The following USP1 variants were observed in gnomAD, a reference collection of about 807,000 sequenced individuals.
USP1 encodes the protein ubiquitin carboxyl-terminal hydrolase 1.
A neutral mutation model predicts 72.2 loss-of-function variants in USP1; 18 were observed. The ratio of observed to expected loss-of-function variants is 0.25; its 90% confidence interval spans 0.17 to 0.37. USP1 has a LOEUF of 0.37. Among genes scored for constraint, USP1 ranks in the 10% least tolerant of loss-of-function variants. USP1 has a pLI of 1.00. For missense variants in USP1, 759 were observed against 884.9 expected (o/e 0.86, Z 1.81); for synonymous variants, 354 against 303.7 (o/e 1.17, Z -1.72).
Position 62,448,681 on chromosome 1 carries a change from TAAG to T in USP1, c.1622+18_1622+20del. 2 of 1,609,350 alleles carry T rather than the reference TAAG, an allele frequency of 1.2e-6. No homozygotes were observed. The highest frequency in any genetic ancestry group is 2.7e-5 in the African/African-American group (2 of 74,846). On this transcript the variant is annotated intron_variant, in intron 8 of 8. Coordinates refer to ENST00000339950, the MANE Select transcript of USP1 (RefSeq NM_003368.5). ...AGTGGTTTGGAGTAAGTATTGTAAATAAGAACTATATGAAGAAAATGAGCTGCT... is the reference window on the plus strand; with the variant it reads ...AGTGGTTTGGAGTAAGTATTGTAAATAACTATATGAAGAAAATGAGCTGCT...
chr1:62,446,798 CTTTTTTTTATTTTTTA>C (rs1571137735), intron 6 of USP1, among the ~76,000 whole-genome samples: 1 of 151,798 alleles, frequency 6.6e-6, no homozygotes, highest in Admixed American at 6.6e-5. Context: ...ATACAACTGA[CTTTTTTTTATTTTTTA>C]TTTTTTTTAT....
rs754451154 is a variant in USP1, at chr1:62,450,570, T to C, written c.1947T>C (p.Gly649=). The C allele has an allele frequency of 4.3e-6, 7 of 1,613,932 alleles. No individual in the cohort carries two copies. Among genetic ancestry groups the C allele is most frequent in the Middle Eastern group, 1.7e-4 (1 of 6,060 alleles). ...YNDEEVSIRV[G]GNTQPSKVLN... ...ATGAAGAAGTGTCAATTAGAGTTGGTGGAAATACACAGCCAAGTAAAGTTT... is the reference window on the plus strand; with the variant it reads ...ATGAAGAAGTGTCAATTAGAGTTGGCGGAAATACACAGCCAAGTAAAGTTT... The change falls in exon 9 of 9, where the codon GGT becomes GGC. Residue 649 remains glycine, a synonymous_variant. Coordinates refer to ENST00000339950, the MANE Select transcript of USP1 (RefSeq NM_003368.5).
At chr1:62,436,803 G>C, upstream of USP1, 1 of 258,150 alleles carries the variant, frequency 3.9e-6, no homozygotes, top group Non-Finnish European at 7.3e-6. Flanking sequence ...GCGAGGACCC[G>C]CACGAGCTGC....
At chr1:62,440,720 T>C (rs1330242960) in intron 2 of USP1, among the ~76,000 whole-genome samples, 4 of 152,178 alleles carry the variant, frequency 2.6e-5, no homozygotes, top group African/African-American at 9.7e-5. Context: ...CTTTTGTTTA[T>C]CAGCATTCAT....
intron 6 of USP1, 107 bp downstream of exon 6, chr1:62,445,536 T>G: frequency 9.2e-7 from 1 of 1,082,890 alleles, no homozygotes. Flanking sequence ...TAAAATTGTT[T>G]CAAGAGAAGG....
chr1:62,439,815 C>G lies in USP1; in HGVS notation c.-53C>G, dbSNP rs896985508. The G allele has an allele frequency of 1.5e-6, 2 of 1,318,016 alleles. No individual in the cohort carries two copies. The highest frequency in any genetic ancestry group is 3.0e-5 in the African/African-American group (2 of 66,416). The allele number at this position is 1,318,016 out of a possible 1,614,324, so 81.6% of individuals were successfully genotyped here. On this transcript the variant is annotated 5_prime_UTR_variant, in exon 2 of 9. Transcript: ENST00000339950. ...GATTAACAGATATAATTGGTGATTA[C>G]AACTTTCCTCTATAAATTAACTCTT...
chr1:62,440,006 G>T lies in USP1; in HGVS notation c.139G>T (p.Glu47Ter). The stretch of plus-strand genomic sequence containing the variant: ...TTTCACAGATTCTCAAGAAAATGAA[G>T]AAAAAGCTTCTGAATATAGAGCATC... Reference protein sequence around the residue: ...LDFTDSQENEEKASEYRASEI... With the variant: ...LDFTDSQENE The change falls in exon 2 of 9, where the codon GAA becomes TAA. Residue 47 changes from glutamate to a stop codon, truncating the protein, a stop_gained. Coordinates refer to ENST00000339950, the MANE Select transcript of USP1 (RefSeq NM_003368.5). LOFTEE classifies it high-confidence loss of function. 6.5e-7 allele frequency: 1 copy of T among 1,545,802 alleles called. No individual in the cohort carries two copies. Among genetic ancestry groups the T allele is most frequent in the Non-Finnish European group, 8.7e-7 (1 of 1,154,614 alleles).
intron 4 of USP1, 124 bp downstream of exon 4, chr1:62,442,423 T>G: frequency 4.4e-5 from 28 of 633,302 alleles, no homozygotes; most frequent in Non-Finnish European, 5.5e-5. Context: ...GTTAGCGAGC[T>G]ATTGTCAGGC....
chr1:62,447,390 G>A lies in USP1; in HGVS notation c.1299G>A (p.Gln433=). The change falls in exon 7 of 9, where the codon CAG becomes CAA. Residue 433 remains glutamine (Q), a synonymous_variant. Transcript: ENST00000339950. The stretch of plus-strand genomic sequence containing the variant: ...TAGTGGAGAAATTATTTCAAGGTCA[G>A]CTGGTATTAAGGACGCGTTGCTTGG... ...FELVEKLFQG[Q]LVLRTRCLEC... The A allele has an allele frequency of 6.2e-7, 1 of 1,613,738 alleles. No individual in the cohort carries two copies. Among genetic ancestry groups the A allele is most frequent in the Non-Finnish European group, 8.5e-7 (1 of 1,179,930 alleles).
chr1:62,442,793 A>C (rs1645142756), intron 4 of USP1, among the ~76,000 whole-genome samples: 1 of 152,168 alleles, frequency 6.6e-6, no homozygotes, highest in Non-Finnish European at 1.5e-5. Flanking sequence ...GCTTGAGCGC[A>C]AGAGTTTGAG....
In USP1 at chr1:62,445,679, T is replaced by TA. The variant is rs577039531; in HGVS notation, c.1249+251dup. 5.1e-3 allele frequency among the ~76,000 whole-genome samples: 775 copies of TA among 152,230 alleles called. 7 individuals carry two copies. The highest frequency in any genetic ancestry group is 0.018 in the African/African-American group (738 of 41,534). The stretch of plus-strand genomic sequence containing the variant: ...ATTAAAGTAATTTTAATTTATAGCT[T>TA]ATAAAGTAGGGAAGTTCGGCCAGGT... On this transcript the variant is annotated intron_variant, in intron 6 of 8. Transcript: ENST00000339950.
At chr1:62,450,103 T>G (rs1645203470) in intron 8 of USP1, 143 bp from the exon 9 acceptor site, 1 of 882,204 alleles carries the variant, frequency 1.1e-6, no homozygotes, top group Non-Finnish European at 1.6e-6. Flanking sequence ...AAAGTTGGGG[T>G]CTTGTTTTGA....
In USP1 at chr1:62,450,231, T is replaced by G; in HGVS notation, c.1623-15T>G. The G allele has an allele frequency of 6.3e-7, 1 of 1,585,406 alleles. No individual in the cohort carries two copies. The highest frequency in any genetic ancestry group is 1.4e-5 in the African/African-American group (1 of 73,488). The stretch of plus-strand genomic sequence containing the variant: ...ATAGAACTGCAGGAAACCTTTTCTT[T>G]TTTTCCTCCCAAAGGTTTGATTGTT... On this transcript the variant is annotated splice_polypyrimidine_tract_variant and intron_variant, in intron 8 of 8. Transcript: ENST00000339950.
chr1:62,442,393 A>G (rs1645140258), intron 4 of USP1, 94 bp downstream of exon 4: 1 of 855,904 alleles, frequency 1.2e-6, no homozygotes, highest in Non-Finnish European at 1.8e-6. Flanking sequence ...GGGGGGGTGG[A>G]TGACAAAGAT....
intron 5 of USP1, among the ~76,000 whole-genome samples, chr1:62,444,260 CAAAAAAAAAA>C (rs34522182): frequency 2.8e-5 from 2 of 72,430 alleles, no homozygotes; most frequent in Non-Finnish European, 5.3e-5. Context: ...CCCTTGTCTC[CAAAAAAAAAA>C]AAAAAAAAAA....
In USP1 at chr1:62,439,876, T is replaced by C. The variant is rs371881310; in HGVS notation, c.9T>C (p.Gly3=). 2 of 1,451,984 alleles carry C rather than the reference T, an allele frequency of 1.4e-6. No individual in the cohort carries two copies. The highest frequency in any genetic ancestry group is 1.5e-5 in the African/African-American group (1 of 68,802). The allele number at this position is 1,451,984 out of a possible 1,614,324, so 89.9% of individuals were successfully genotyped here. Residue 3 remains glycine, a synonymous_variant, in exon 2 of 9, where the codon GGT becomes GGC. Coordinates refer to ENST00000339950, the MANE Select transcript of USP1 (RefSeq NM_003368.5). ...GGGATTTGAAGAAAAAAATGCCTGG[T>C]GTCATACCTAGTGAAAGTAATGGAC... is the stretch of plus-strand genomic sequence containing the variant. MP[G]VIPSESNGLS... is the part of the protein sequence containing the mutation.
Position 62,442,257 on chromosome 1 carries a change from G to A in USP1, c.354G>A (p.Arg118=), listed in dbSNP as rs997621356. Residue 118 remains arginine, a synonymous_variant, in exon 4 of 9, where the codon AGG becomes AGA. Coordinates refer to ENST00000339950, the MANE Select transcript of USP1 (RefSeq NM_003368.5). ...AGCACTTATTTAATATTATTTCAAG[G>A]AAGAAAGAAGCTCTAAAGGATGAAG... ...GVKHLFNIIS[R]KKEALKDEAN... is the part of the protein sequence containing the mutation. The A allele has an allele frequency of 3.7e-6, 6 of 1,604,660 alleles. No homozygotes were observed. The South Asian group carries it at 6.7e-5, about 18-fold the overall frequency.
At chr1:62,436,723 G>A (rs1450381419), upstream of USP1, 1 of 164,900 alleles carries the variant, frequency 6.1e-6, no homozygotes, top group Admixed American at 6.4e-5. Flanking sequence ...TCGCGCGCAC[G>A]AATGGTTAAA....
intron 8 of USP1, 112 bp downstream of exon 8, chr1:62,448,778 T>A: frequency 9.0e-7 from 1 of 1,111,260 alleles, no homozygotes; most frequent in Non-Finnish European, 1.3e-6. Context: ...AAGTAGATTG[T>A]AAAGATTGCT....
Sources: allele counts gnomAD v4.1 joint callset (sites outside exome capture counted in the v4.1 genomes callset), GRCh38; gene constraint gnomAD v4.1.1; transcripts MANE v1.5; gene names NCBI Gene and HGNC (gene_info 2026-07-23, HGNC 2026-07-21).